EBF1: variants seen among roughly 807,000 people sequenced by gnomAD.
The protein encoded by EBF1 is EBF transcription factor 1, also known as transcription factor COE1.
Under a neutral mutation model 68.4 loss-of-function variants are expected in EBF1, and 10 were observed. The ratio of observed to expected loss-of-function variants is 0.15; its 90% CI spans 0.09 to 0.25. The LOEUF (loss-of-function observed/expected upper bound fraction) is 0.25, where lower values mean the gene tolerates loss of function less well. Among genes scored for constraint, EBF1 ranks in the 10% least tolerant of loss-of-function variants. EBF1 has a pLI of 1.00. For missense variants in EBF1, 509 were observed against 794.4 expected, an observed-to-expected ratio of 0.64 and a Z score of 4.32; for synonymous variants, 298 against 299.8, an observed-to-expected ratio of 0.99 and a Z score of 0.06.
At chr5:158,801,621 C>T (rs919363003) in intron 8 of EBF1, among the ~76,000 whole-genome samples, 20 of 149,818 alleles carry the variant, frequency 1.3e-4, no homozygotes, top group African/African-American at 4.7e-4. Context: ...TTCCAATTTG[C>T]TTCTTGAACA....
At chr5:158,847,514 C>G (rs997956122) in intron 6 of EBF1, among the ~76,000 whole-genome samples, 2 of 152,154 alleles carry the variant, frequency 1.3e-5, no homozygotes, top group Admixed American at 1.3e-4. Context: ...CCAACTTACT[C>G]CCCTAGCAAT....
chr5:158,764,032 C>CTAGTA (rs1024124228), intron 10 of EBF1, among the ~76,000 whole-genome samples: 2 of 152,200 alleles, frequency 1.3e-5, no homozygotes, highest in Non-Finnish European at 2.9e-5. Context: ...ATGCCATGCA[C>CTAGTA]TGTACTAAGC....
intron 6 of EBF1, among the ~76,000 whole-genome samples, chr5:159,070,633 G>GT (rs1176250252): frequency 6.6e-6 from 1 of 152,152 alleles, no homozygotes; most frequent in Non-Finnish European, 1.5e-5. Context: ...AAAAATAGTA[G>GT]TGTTCTCCCA....
Position 158,696,761 on chromosome 5 carries a change from T to A in EBF1, c.*2350A>T. The stretch of plus-strand genomic sequence containing the variant: ...CATAAAAATCGCACTCTTGACAGCC[T>A]AGTGAAAACCATTGCAAAATCCATA... On this transcript the variant is annotated 3_prime_UTR_variant, in exon 16 of 16. Coordinates refer to ENST00000313708, the MANE Select transcript of EBF1 (RefSeq NM_024007.5). 9.3e-6 allele frequency: 1 copy of A among 106,984 alleles called. No homozygotes were observed. Among genetic ancestry groups the A allele is most frequent in the Non-Finnish European group, 1.7e-5 (1 of 59,492 alleles). 6.6% of individuals were successfully genotyped at this position (106,984 alleles called of 1,614,324 possible).
chr5:158,940,803 C>G (rs1428142101), intron 6 of EBF1, among the ~76,000 whole-genome samples: 1 of 126,034 alleles, frequency 7.9e-6, no homozygotes, highest in East Asian at 2.7e-4. Flanking sequence ...AGGATGGACT[C>G]CAATGGAAAG....
intron 15 of EBF1, among the ~76,000 whole-genome samples, chr5:158,706,839 A>G: frequency 6.6e-6 from 1 of 152,228 alleles, no homozygotes; most frequent in Admixed American, 6.5e-5. Context: ...CACAATGAAG[A>G]CCATAATGGC....
chr5:158,834,784 T>C (rs1788379190), intron 7 of EBF1, among the ~76,000 whole-genome samples: 1 of 152,230 alleles, frequency 6.6e-6, no homozygotes, highest in South Asian at 2.1e-4. Flanking sequence ...CCCTGATTGC[T>C]GTTCAGAGGA....
Position 159,095,589 on chromosome 5 carries a change from GC to G in EBF1, c.411+30del, listed in dbSNP as rs571276920. ...ACTGCCCTGAATTTTGTGACATAGAGCCCCCCGTGGCCCAAAATCAAGAAAC... is the reference window on the plus strand; with the variant it reads ...ACTGCCCTGAATTTTGTGACATAGAGCCCCCGTGGCCCAAAATCAAGAAAC... On this transcript the variant is annotated intron_variant, in intron 4 of 15. Transcript: ENST00000313708. 1.0e-3 allele frequency: 1,650 copies of G among 1,612,376 alleles called. 29 individuals are homozygous for G. In the Admixed American group the frequency reaches 0.024, roughly 23 times the overall value.
At chr5:158,750,463 C>A (rs1236257961) in intron 10 of EBF1, among the ~76,000 whole-genome samples, 1 of 151,568 alleles carries the variant, frequency 6.6e-6, no homozygotes, top group Non-Finnish European at 1.5e-5. Flanking sequence ...CATTTAGTAC[C>A]AAAGGTAATT....
chr5:158,873,795 T>C (rs1431584996), intron 6 of EBF1, among the ~76,000 whole-genome samples: 1 of 152,198 alleles, frequency 6.6e-6, no homozygotes, highest in Non-Finnish European at 1.5e-5. Flanking sequence ...GATTTCCTTA[T>C]CACCTAATTC....
intron 6 of EBF1, among the ~76,000 whole-genome samples, chr5:158,967,531 T>C (rs180963496): frequency 6.6e-6 from 1 of 152,310 alleles, no homozygotes; most frequent in East Asian, 1.9e-4. Flanking sequence ...AACTCATCCA[T>C]ATACGTATCG....
At chr5:158,867,206 C>T (rs561676386) in intron 6 of EBF1, among the ~76,000 whole-genome samples, 1 of 152,218 alleles carries the variant, frequency 6.6e-6, no homozygotes, top group East Asian at 1.9e-4. Flanking sequence ...AGAGGGTTCA[C>T]ATTACGCCTA....
intron 6 of EBF1, among the ~76,000 whole-genome samples, chr5:159,038,899 G>T (rs533713632): frequency 7.9e-5 from 12 of 151,996 alleles, no homozygotes; most frequent in Non-Finnish European, 1.6e-4. Flanking sequence ...CCTCTTTCCT[G>T]GGCCCCCATC....
At position 158,698,822 on chromosome 5, in the gene EBF1, A is replaced by C. The variant is rs1260556624; in HGVS notation, c.*289T>G. On this transcript the variant is annotated 3_prime_UTR_variant, in exon 16 of 16. Coordinates refer to ENST00000313708, the MANE Select transcript of EBF1 (RefSeq NM_024007.5). ...GACAAATGATTGCAGAATTAAGCTTAAAAAAAAAAAAGAAAAAGAAAAAGT... is the reference window on the plus strand; with the variant it reads ...GACAAATGATTGCAGAATTAAGCTTCAAAAAAAAAAAGAAAAAGAAAAAGT... The C allele has an allele frequency of 1.1e-5, 2 of 176,414 alleles. No individual in the cohort carries two copies. Among genetic ancestry groups the C allele is most frequent in the African/African-American group, 5.1e-5 (2 of 39,042 alleles). The allele number at this position is 176,414 out of a possible 1,614,324, so 10.9% of individuals were successfully genotyped here. A position where few individuals can be genotyped will look rare whatever the true frequency, so the allele number is the denominator to read the frequency against.
intron 5 of EBF1, among the ~76,000 whole-genome samples, chr5:159,083,597 C>G (rs954024960): frequency 6.6e-6 from 1 of 152,172 alleles, no homozygotes; most frequent in Non-Finnish European, 1.5e-5. Context: ...TGGGATTTCA[C>G]TCAGAAAGCA....
Position 159,099,644 on chromosome 5 carries a change from A to G in EBF1, c.-166T>C. On this transcript the variant is annotated 5_prime_UTR_variant, in exon 1 of 16. Transcript: ENST00000313708. ...CTTAGAAGATCAAGGCGGGCTGGAA[A>G]GCAAATTTTTAAAAAATGTAAACCT... The G allele has an allele frequency of 2.2e-6, 2 of 922,658 alleles. No homozygotes were observed. Among genetic ancestry groups the G allele is most frequent in the East Asian group, 3.2e-5 (1 of 31,278 alleles). The allele number at this position is 922,658 out of a possible 1,614,324, so 57.2% of individuals were successfully genotyped here.
At chr5:159,091,503 T>A (rs866654326) in intron 4 of EBF1, among the ~76,000 whole-genome samples, 1 of 152,206 alleles carries the variant, frequency 6.6e-6, no homozygotes, top group Non-Finnish European at 1.5e-5. Flanking sequence ...AAACTTGCTG[T>A]GTCCTTTTTT....
intron 11 of EBF1, among the ~76,000 whole-genome samples, chr5:158,715,049 T>C (rs900673982): frequency 3.3e-5 from 5 of 152,240 alleles, no homozygotes; most frequent in African/African-American, 1.2e-4. Context: ...ATCTCTCTCT[T>C]CATTTTTCCC....
chr5:158,979,744 A>C lies in EBF1; in HGVS notation c.554+93652T>G, dbSNP rs1474297766. Among the ~76,000 whole-genome samples, 3 of 152,180 alleles carry C rather than the reference A, an allele frequency of 2.0e-5. No homozygotes were observed. In the East Asian group the frequency reaches 5.8e-4, roughly 29 times the overall value. ...TTTTTTTTCTTTTTCTAAAGCAAAA[A>C]TTTCCAGAATTGTTGCTCTTGAGAT... On this transcript the variant is annotated intron_variant, in intron 6 of 15. Transcript: ENST00000313708.
Sources: allele counts gnomAD v4.1 joint callset (sites outside exome capture counted in the v4.1 genomes callset), GRCh38; gene constraint gnomAD v4.1.1; transcripts MANE v1.5; gene names NCBI Gene and HGNC (gene_info 2026-07-23, HGNC 2026-07-21).